Variants in RAP1A observed in about 807,000 individuals in gnomAD.
RAP1A encodes ras-related protein Rap-1A.
In RAP1A, 6 loss-of-function variants were observed where a neutral mutation model predicts 26.4. The observed-to-expected ratio is 0.23, with a 90% CI of 0.12 to 0.45. The LOEUF (loss-of-function observed/expected upper bound fraction) is 0.45, where lower values mean the gene tolerates loss of function less well. Among genes scored for constraint, RAP1A ranks in the 20% least tolerant of loss-of-function variants. RAP1A has a pLI of 0.99. For synonymous variants in RAP1A, 73 were observed against 79.4 expected (o/e 0.92, Z 0.43); for missense variants, 121 against 217.2 (o/e 0.56, Z 2.78).
chr1:111,711,223 G>A (rs1662375158), intron 7 of RAP1A, among the ~76,000 whole-genome samples: 1 of 152,182 alleles, frequency 6.6e-6, no homozygotes, highest in Non-Finnish European at 1.5e-5. Context: ...AAGGTGCAAA[G>A]ATAGAGAAAA....
intron 4 of RAP1A, among the ~76,000 whole-genome samples, chr1:111,699,168 A>C (rs568874915): frequency 6.6e-6 from 1 of 152,074 alleles, no homozygotes; most frequent in South Asian, 2.1e-4. Context: ...TCTTGTCTCA[A>C]AATCACTCCT....
At chr1:111,649,199 G>A (rs1471038736) in intron 1 of RAP1A, 19 of 510,920 alleles carry the variant, frequency 3.7e-5, no homozygotes, top group Admixed American at 1.9e-4. Flanking sequence ...TGAAGTAATG[G>A]CCCCAGTCCC....
intron 1 of RAP1A, among the ~76,000 whole-genome samples, chr1:111,669,738 T>C (rs945272074): frequency 4.6e-5 from 7 of 152,204 alleles, no homozygotes; most frequent in Non-Finnish European, 7.3e-5. Context: ...ATCAAGTAGA[T>C]ACAGTATTTA....
intron 1 of RAP1A, among the ~76,000 whole-genome samples, chr1:111,626,346 A>G (rs1348253046): frequency 2.0e-5 from 3 of 149,636 alleles, no homozygotes; most frequent in East Asian, 3.9e-4. Context: ...TTTTTTGTAA[A>G]TAGCTTTTCT....
At chr1:111,563,414 G>A (rs184386788) in intron 1 of RAP1A, among the ~76,000 whole-genome samples, 1 of 152,308 alleles carries the variant, frequency 6.6e-6, no homozygotes, top group Admixed American at 6.5e-5. Flanking sequence ...GAAATGTCAG[G>A]ATGTGGCTCC....
At chr1:111,684,909 A>T (rs923252377) in intron 1 of RAP1A, among the ~76,000 whole-genome samples, 2 of 152,252 alleles carry the variant, frequency 1.3e-5, no homozygotes, top group Non-Finnish European at 2.9e-5. Context: ...CAACCAAAAC[A>T]GCATGGTACT....
intron 1 of RAP1A, among the ~76,000 whole-genome samples, chr1:111,576,548 G>A (rs201036139): frequency 3.3e-5 from 5 of 152,170 alleles, no homozygotes; most frequent in African/African-American, 1.2e-4. Context: ...GGGTTAAAGC[G>A]AACTTAAATA....
At chr1:111,669,425 TTTTC>T (rs1449631026) in intron 1 of RAP1A, among the ~76,000 whole-genome samples, 4 of 152,180 alleles carry the variant, frequency 2.6e-5, no homozygotes, top group Admixed American at 6.5e-5. Context: ...GGATATGCCG[TTTTC>T]TTTATCTTTC....
intron 1 of RAP1A, among the ~76,000 whole-genome samples, chr1:111,607,427 G>C (rs995078799): frequency 1.3e-5 from 2 of 152,114 alleles, no homozygotes; most frequent in African/African-American, 4.8e-5. Context: ...ACACAGACAC[G>C]GCAACCATCC....
intron 1 of RAP1A, among the ~76,000 whole-genome samples, chr1:111,625,057 A>G (rs1659350226): frequency 6.6e-6 from 1 of 152,238 alleles, no homozygotes; most frequent in South Asian, 2.1e-4. Flanking sequence ...GTGTAATCAT[A>G]TGTTTTAGTG....
At chr1:111,639,600 G>A (rs946092332) in intron 1 of RAP1A, among the ~76,000 whole-genome samples, 3 of 150,100 alleles carry the variant, frequency 2.0e-5, no homozygotes, top group African/African-American at 7.4e-5. Context: ...ACTGTCAGGT[G>A]AGATTCTCAA....
intron 1 of RAP1A, among the ~76,000 whole-genome samples, chr1:111,546,329 A>G (rs1396854210): frequency 1.3e-5 from 2 of 152,142 alleles, no homozygotes; most frequent in Non-Finnish European, 2.9e-5. Context: ...AAGTACATTT[A>G]CATTGTTGTG....
At chr1:111,619,769 C>G (rs1659111006), upstream of RAP1A, 2 of 396,524 alleles carry the variant, frequency 5.0e-6, no homozygotes, top group Non-Finnish European at 8.9e-6. Flanking sequence ...TGCGTGCGTG[C>G]GCGTTCTGGA....
chr1:111,557,715 G>A (rs1051958106), intron 1 of RAP1A, among the ~76,000 whole-genome samples: 14 of 152,056 alleles, frequency 9.2e-5, no homozygotes, highest in Admixed American at 9.2e-4. Flanking sequence ...TAAACAAATA[G>A]CCTGACAAAT....
At chr1:111,665,299 G>A (rs751126680) in intron 1 of RAP1A, among the ~76,000 whole-genome samples, 1 of 152,170 alleles carries the variant, frequency 6.6e-6, no homozygotes, top group East Asian at 1.9e-4. Context: ...GCTTTGGCAT[G>A]CTTTAGTTTT....
intron 3 of RAP1A, among the ~76,000 whole-genome samples, chr1:111,695,680 A>C (rs772251688): frequency 6.6e-6 from 1 of 152,178 alleles, no homozygotes; most frequent in East Asian, 1.9e-4. Flanking sequence ...AATTGCATAT[A>C]AATAGTAGGT....
At chr1:111,683,108 C>A (rs866276294) in intron 1 of RAP1A, among the ~76,000 whole-genome samples, 1 of 152,166 alleles carries the variant, frequency 6.6e-6, no homozygotes, top group African/African-American at 2.4e-5. Context: ...TAAATAAGTT[C>A]TTTGAAATCA....
At chr1:111,676,943 GCCACCACA>G (rs1331078168) in intron 1 of RAP1A, among the ~76,000 whole-genome samples, 1 of 151,918 alleles carries the variant, frequency 6.6e-6, no homozygotes, top group African/African-American at 2.4e-5. Context: ...ACAGGTGCGT[GCCACCACA>G]CCCAGCTAAT....
Position 111,544,745 on chromosome 1 carries a change from C to T in RAP1A, c.-28+2236C>T, listed in dbSNP as rs150922709. On this transcript the variant is annotated intron_variant, in intron 1 of 7. Transcript: ENST00000356415. ...CATGAACATCCATTTTTGGTATATA[C>T]CCAATTTCTTGGGTATATCCAATTT... Among the ~76,000 whole-genome samples, 421 of 151,910 alleles carry T rather than the reference C, an allele frequency of 2.8e-3. 4 individuals carry two copies. Among genetic ancestry groups the T allele is most frequent in the African/African-American group, 9.7e-3 (402 of 41,440 alleles).
Sources: gnomAD v4.1 joint callset for allele counts (sites outside exome capture counted in the v4.1 genomes callset) on GRCh38, gnomAD v4.1.1 for gene constraint, MANE v1.5 for transcripts, NCBI Gene and HGNC (gene_info 2026-07-23, HGNC 2026-07-21) for gene names.